GRM7: variants seen among roughly 807,000 people sequenced by gnomAD.
GRM7 encodes glutamate metabotropic receptor 7.
A neutral mutation model predicts 84.5 loss-of-function variants in GRM7; 35 were observed. The ratio of observed to expected loss-of-function variants is 0.41; its 90% CI spans 0.32 to 0.55. The LOEUF is 0.55. GRM7 is among the 20% of genes least tolerant of loss of function. The pLI is 0.19. For missense variants in GRM7, 1,003 were observed against 1,194.6 expected, an observed-to-expected ratio of 0.84 and a Z score of 2.36; for synonymous variants, 487 against 455.1, an observed-to-expected ratio of 1.07 and a Z score of -0.89.
intron 1 of GRM7, among the ~76,000 whole-genome samples, chr3:6,941,789 A>T (rs62235415): frequency 0.18 from 27,054 of 152,004 alleles, 2,551 homozygotes; most frequent in Non-Finnish European, 0.21. Flanking sequence ...TTCATGAGGC[A>T]TTTGTTGGTG....
chr3:7,722,693 C>T (rs1282255161), intron 9 of GRM7, among the ~76,000 whole-genome samples: 1 of 152,038 alleles, frequency 6.6e-6, no homozygotes, highest in African/African-American at 2.4e-5. Context: ...TCCACCACCT[C>T]GGCCTCCCAA....
At chr3:7,660,782 G>T (rs1028127597) in intron 8 of GRM7, among the ~76,000 whole-genome samples, 1 of 130,680 alleles carries the variant, frequency 7.7e-6, no homozygotes, top group African/African-American at 2.5e-5. Context: ...AAGAAAAACA[G>T]ATCATTAGAA....
chr3:7,589,848 A>C (rs2125062291), intron 8 of GRM7, among the ~76,000 whole-genome samples: 1 of 152,278 alleles, frequency 6.6e-6, no homozygotes, highest in South Asian at 2.1e-4. Flanking sequence ...GAAATTGAAA[A>C]TTGTCTCTCT....
At chr3:7,049,122 A>C (rs1033976056) in intron 1 of GRM7, among the ~76,000 whole-genome samples, 2 of 151,994 alleles carry the variant, frequency 1.3e-5, no homozygotes, top group Non-Finnish European at 2.9e-5. Context: ...TCATTAAGCA[A>C]ATGTTTATTG....
intron 2 of GRM7, among the ~76,000 whole-genome samples, chr3:7,280,175 T>C (rs1200695091): frequency 2.0e-5 from 3 of 152,206 alleles, no homozygotes; most frequent in Non-Finnish European, 4.4e-5. Flanking sequence ...TTCTTTATTG[T>C]TTGGGGCAAA....
intron 7 of GRM7, among the ~76,000 whole-genome samples, chr3:7,473,663 T>G (rs1037418978): frequency 6.6e-6 from 1 of 152,186 alleles, no homozygotes. Flanking sequence ...GCAAAGCCTG[T>G]GATGTTATAG....
chr3:7,199,875 C>T (rs746933356), intron 2 of GRM7, among the ~76,000 whole-genome samples: 13 of 152,136 alleles, frequency 8.5e-5, no homozygotes, highest in Non-Finnish European at 1.8e-4. Flanking sequence ...AACATCATGC[C>T]AGACCTTCTG....
intron 6 of GRM7, among the ~76,000 whole-genome samples, chr3:7,457,416 T>G (rs1698065214): frequency 6.6e-6 from 1 of 152,188 alleles, no homozygotes; most frequent in Non-Finnish European, 1.5e-5. Flanking sequence ...TTCATTTTAG[T>G]TATCTTTATG....
intron 2 of GRM7, among the ~76,000 whole-genome samples, chr3:7,197,791 T>G (rs1695928094): frequency 6.6e-6 from 1 of 152,068 alleles, no homozygotes; most frequent in Admixed American, 6.6e-5. Flanking sequence ...ATATAGTTAC[T>G]GTCATGCTTA....
chr3:7,453,216 A>G (rs1408888199), intron 6 of GRM7, among the ~76,000 whole-genome samples: 2 of 152,086 alleles, frequency 1.3e-5, no homozygotes, highest in East Asian at 1.9e-4. Flanking sequence ...ACCAAATGTC[A>G]GTGGAGAGGT....
At chr3:7,240,590 A>G (rs1010796335) in intron 2 of GRM7, among the ~76,000 whole-genome samples, 25 of 152,176 alleles carry the variant, frequency 1.6e-4, no homozygotes, top group African/African-American at 4.6e-4. Flanking sequence ...TTCAAACCTG[A>G]AATATTCATC....
At chr3:7,208,530 G>A (rs1409180100) in intron 2 of GRM7, among the ~76,000 whole-genome samples, 1 of 152,072 alleles carries the variant, frequency 6.6e-6, no homozygotes, top group Non-Finnish European at 1.5e-5. Flanking sequence ...TTCTGTGCTG[G>A]GTGGTTGAGA....
chr3:7,367,260 G>T (rs1207625898), intron 4 of GRM7, among the ~76,000 whole-genome samples: 3 of 151,478 alleles, frequency 2.0e-5, no homozygotes, highest in Non-Finnish European at 4.4e-5. Context: ...TTCTCAGCTT[G>T]CTTATTCTGT....
chr3:6,912,344 A>G (rs1312080494), intron 1 of GRM7, among the ~76,000 whole-genome samples: 1 of 152,128 alleles, frequency 6.6e-6, no homozygotes, highest in Non-Finnish European at 1.5e-5. Context: ...TTTAAACTTC[A>G]TTTGGCTATG....
chr3:7,008,057 G>T (rs1695241602), intron 1 of GRM7, among the ~76,000 whole-genome samples: 2 of 151,724 alleles, frequency 1.3e-5, no homozygotes, highest in South Asian at 4.2e-4. Context: ...AGTAAAAGAT[G>T]GTATAGACTC....
At chr3:7,533,726 G>C (rs187810783) in intron 7 of GRM7, among the ~76,000 whole-genome samples, 1 of 152,162 alleles carries the variant, frequency 6.6e-6, no homozygotes, top group Admixed American at 6.6e-5. Flanking sequence ...ATCAATAGGA[G>C]ACTCAATGAA....
At chr3:7,121,852 C>T (rs1011043048) in intron 1 of GRM7, among the ~76,000 whole-genome samples, 2 of 152,104 alleles carry the variant, frequency 1.3e-5, no homozygotes, top group African/African-American at 4.8e-5. Context: ...GGTGGGGCCT[C>T]AAAAGAGGTG....
intron 7 of GRM7, among the ~76,000 whole-genome samples, chr3:7,492,017 T>G (rs10222352): frequency 0.59 from 88,993 of 152,004 alleles, 26,415 homozygotes; most frequent in East Asian, 0.74. Context: ...TGCATTGATT[T>G]ATTTTTTAAT....
chr3:7,301,887 G>A (rs1164376051), intron 3 of GRM7, among the ~76,000 whole-genome samples: 2 of 152,114 alleles, frequency 1.3e-5, no homozygotes, highest in African/African-American at 2.4e-5. Context: ...TTCTTGGAAC[G>A]TTAACTTCAG....
Sources: allele counts gnomAD v4.1 joint callset (sites outside exome capture counted in the v4.1 genomes callset), GRCh38; gene constraint gnomAD v4.1.1; transcripts MANE v1.5; gene names NCBI Gene and HGNC (gene_info 2026-07-23, HGNC 2026-07-21).